Variants in GPRIN3 observed in about 807,000 individuals in gnomAD.
The protein encoded by GPRIN3 is GPRIN family member 3, also known as G protein-regulated inducer of neurite outgrowth 3.
GPRIN3 carries 12 observed loss-of-function variants against 13.7 expected under a neutral mutation model. The observed-to-expected ratio is 0.87, with a 90% confidence interval of 0.56 to 1.42. The LOEUF (loss-of-function observed/expected upper bound fraction) is 1.42, where lower values mean the gene tolerates loss of function less well. Ranked by LOEUF, GPRIN3 falls within the 40% of genes most tolerant of loss-of-function variation. The probability of loss-of-function intolerance (pLI) is 0.00; values close to 1 mark genes in which losing one functional copy is unlikely to be tolerated. For synonymous variants in GPRIN3, 377 were observed against 372.7 expected (o/e 1.01, Z -0.13); for missense variants, 1,009 against 958.7 (o/e 1.05, Z -0.69).
At chr4:89,272,804 A>C (rs976862880) in intron 1 of GPRIN3, among the ~76,000 whole-genome samples, 1 of 152,184 alleles carries the variant, frequency 6.6e-6, no homozygotes, top group African/African-American at 2.4e-5. Flanking sequence ...TTATCTTCTG[A>C]TATTCTCTAT....
rs1273790040 is a variant in GPRIN3 at position 89,237,169 on chromosome 4, G to T, written c.*10611C>A. 6.6e-6 allele frequency: 1 copy of T among 152,120 alleles called. No homozygotes were observed. The highest frequency in any genetic ancestry group is 2.4e-5 in the African/African-American group (1 of 41,434). 9.4% of individuals were successfully genotyped at this position (152,120 alleles called of 1,614,324 possible). Reference sequence around the variant, plus strand: ...TGCAAGCACTTTCAGCTTCCATCCAGACAATTTGAATTTCAACTATGTTAG... The same window carrying T: ...TGCAAGCACTTTCAGCTTCCATCCATACAATTTGAATTTCAACTATGTTAG... On this transcript the variant is annotated 3_prime_UTR_variant, in exon 2 of 2. Coordinates refer to ENST00000609438, the MANE Select transcript of GPRIN3 (RefSeq NM_198281.3).
chr4:89,300,193 A>G (rs1724856471), intron 1 of GPRIN3, among the ~76,000 whole-genome samples: 1 of 152,104 alleles, frequency 6.6e-6, no homozygotes, highest in Non-Finnish European at 1.5e-5. Flanking sequence ...CATCAATTTC[A>G]TGAGTACAGT....
intron 1 of GPRIN3, among the ~76,000 whole-genome samples, chr4:89,255,598 G>A (rs1723444938): frequency 6.6e-6 from 1 of 152,126 alleles, no homozygotes; most frequent in Non-Finnish European, 1.5e-5. Flanking sequence ...GTCAGTGGAT[G>A]TAAAATTACT....
chr4:89,281,360 G>A (rs1249545066), intron 1 of GPRIN3, among the ~76,000 whole-genome samples: 1 of 152,152 alleles, frequency 6.6e-6, no homozygotes, highest in African/African-American at 2.4e-5. Context: ...GTGACCTCGT[G>A]ATCTGCCCAC....
chr4:89,292,066 C>A (rs1026372211), intron 1 of GPRIN3, among the ~76,000 whole-genome samples: 2 of 152,138 alleles, frequency 1.3e-5, no homozygotes, highest in Non-Finnish European at 2.9e-5. Flanking sequence ...GCCACCCCAT[C>A]CCAAGTGCAG....
At chr4:89,301,330 T>G (rs1367786) in intron 1 of GPRIN3, among the ~76,000 whole-genome samples, 52,990 of 152,138 alleles carry the variant, frequency 0.35, 11,310 homozygotes, top group East Asian at 0.51. Flanking sequence ...CAAGAAAAAC[T>G]TCTATGTTAT....
Position 89,249,276 on chromosome 4 carries a change from G to C in GPRIN3, c.835C>G (p.Pro279Ala). ...PLTSEPSACPPGPEKVPLPAQ... is the reference protein window; with the variant it reads ...PLTSEPSACPAGPEKVPLPAQ... ...GGCAGCGGCACCTTCTCTGGACCTG[G>C]GGGACATGCCGAAGGTTCGCTAGTG... The change falls in exon 2 of 2, where the codon CCA (proline) becomes GCA (alanine). Residue 279 changes from proline to alanine, a missense_variant. Pro to Ala is a conservative substitution (Grantham distance 27). Coordinates refer to ENST00000609438, the MANE Select transcript of GPRIN3 (RefSeq NM_198281.3). The C allele has an allele frequency of 2.5e-6, 4 of 1,614,094 alleles. No individual in the cohort carries two copies. The highest frequency in any genetic ancestry group is 3.4e-6 in the Non-Finnish European group (4 of 1,180,016).
intron 1 of GPRIN3, among the ~76,000 whole-genome samples, chr4:89,264,347 A>T (rs1723727527): frequency 6.6e-6 from 1 of 152,194 alleles, no homozygotes. Context: ...CCATGAGTGG[A>T]AGCAGCCTGA....
chr4:89,266,681 T>C (rs1022401121), intron 1 of GPRIN3, among the ~76,000 whole-genome samples: 1 of 152,162 alleles, frequency 6.6e-6, no homozygotes. Context: ...CTCCCTATTG[T>C]AACAAAATGG....
chr4:89,303,541 T>C (rs1288942765), intron 1 of GPRIN3, among the ~76,000 whole-genome samples: 5 of 152,142 alleles, frequency 3.3e-5, no homozygotes, highest in Admixed American at 3.3e-4. Flanking sequence ...AAAATAGATC[T>C]TAGTCATAAA....
chr4:89,263,561 T>G (rs1045277220), intron 1 of GPRIN3, among the ~76,000 whole-genome samples: 1 of 152,176 alleles, frequency 6.6e-6, no homozygotes, highest in African/African-American at 2.4e-5. Flanking sequence ...CTGTTTCCCC[T>G]TCTTCCTTTT....
chr4:89,283,702 G>T (rs1056067360), intron 1 of GPRIN3, among the ~76,000 whole-genome samples: 1 of 152,164 alleles, frequency 6.6e-6, no homozygotes, highest in Admixed American at 6.5e-5. Flanking sequence ...CAGCAATGCT[G>T]CCTTGAAAAC....
Position 89,270,957 on chromosome 4 carries a change from G to T in GPRIN3, c.-123-20724C>A, listed in dbSNP as rs75802168. On this transcript the variant is annotated intron_variant, in intron 1 of 1. Coordinates refer to ENST00000609438, the MANE Select transcript of GPRIN3 (RefSeq NM_198281.3). The stretch of plus-strand genomic sequence containing the variant: ...CATTTCATAGGCTACAATGCTCAGG[G>T]ATAGGTACCGTGGTCAGGCTGTGAA... 1.9e-3 allele frequency among the ~76,000 whole-genome samples: 283 copies of T among 152,230 alleles called. 2 individuals are homozygous for T. Among genetic ancestry groups the T allele is most frequent in the African/African-American group, 6.4e-3 (267 of 41,536 alleles).
intron 1 of GPRIN3, among the ~76,000 whole-genome samples, chr4:89,253,607 C>T (rs1021247274): frequency 3.9e-5 from 6 of 152,322 alleles, no homozygotes; most frequent in African/African-American, 1.4e-4. Flanking sequence ...GATGACTTCA[C>T]AAAACTCTCA....
intron 1 of GPRIN3, among the ~76,000 whole-genome samples, chr4:89,261,281 A>G (rs1298349458): frequency 6.6e-6 from 1 of 152,150 alleles, no homozygotes; most frequent in Admixed American, 6.5e-5. Context: ...CGCTCCCCAG[A>G]TCCCAGTAGT....
intron 1 of GPRIN3, among the ~76,000 whole-genome samples, chr4:89,306,666 C>T (rs1725041813): frequency 1.3e-5 from 2 of 152,042 alleles, no homozygotes; most frequent in African/African-American, 4.8e-5. Flanking sequence ...TCTGTTTCTC[C>T]CCTCCCCCTC....
Position 89,243,132 on chromosome 4 carries a change from C to T in GPRIN3, c.*4648G>A, listed in dbSNP as rs1722991091. ...ACTTCAATCCATCTTCATTTATGTC[C>T]TTGGTCATTGCAAACCCAGCTTATT... On this transcript the variant is annotated 3_prime_UTR_variant, in exon 2 of 2. Coordinates refer to ENST00000609438, the MANE Select transcript of GPRIN3 (RefSeq NM_198281.3). The T allele has an allele frequency of 2.0e-5, 3 of 152,180 alleles. No individual in the cohort carries two copies. In the South Asian group the frequency reaches 6.2e-4, roughly 32 times the overall value. 9.4% of individuals were successfully genotyped at this position (152,180 alleles called of 1,614,324 possible).
intron 1 of GPRIN3, among the ~76,000 whole-genome samples, chr4:89,299,368 G>A (rs1243254581): frequency 2.0e-5 from 3 of 152,144 alleles, no homozygotes; most frequent in Admixed American, 6.5e-5. Context: ...TAGGAGGCAC[G>A]AAGTGGGGGT....
Position 89,245,506 on chromosome 4 carries a change from T to G in GPRIN3, c.*2274A>C, listed in dbSNP as rs961585897. On this transcript the variant is annotated 3_prime_UTR_variant, in exon 2 of 2. Transcript: ENST00000609438. ...AAATCATGTGGTTACTCTAAAGTCA[T>G]GAAAATAAATATTATTATCAGAGGC... The G allele has an allele frequency of 6.6e-6, 1 of 152,246 alleles. No individual in the cohort carries two copies. Among genetic ancestry groups the G allele is most frequent in the African/African-American group, 2.4e-5 (1 of 41,458 alleles). The allele number at this position is 152,246 out of a possible 1,614,324, so 9.4% of individuals were successfully genotyped here.
Sources: gnomAD v4.1 joint callset for allele counts (sites outside exome capture counted in the v4.1 genomes callset) on GRCh38, gnomAD v4.1.1 for gene constraint, MANE v1.5 for transcripts, NCBI Gene and HGNC (gene_info 2026-07-23, HGNC 2026-07-21) for gene names.